Variants in HMOX2 observed in about 807,000 individuals in gnomAD.
HMOX2 encodes the protein heme oxygenase 2.
Under a neutral mutation model 33.7 loss-of-function variants are expected in HMOX2, and 30 were observed. That is an observed-to-expected ratio of 0.89 (90% CI 0.67 to 1.21). The LOEUF is 1.21. Among genes scored for constraint, HMOX2 ranks in the 50% most tolerant of loss-of-function variants. The pLI is 0.00. For missense variants in HMOX2, 403 were observed against 399.1 expected, an observed-to-expected ratio of 1.01 and a Z score of -0.08; for synonymous variants, 155 against 155.0, an observed-to-expected ratio of 1.00 and a Z score of 0.00.
chr16:4,509,511 C>T lies in HMOX2; in HGVS notation c.796C>T (p.Pro266Ser). Residue 266 changes from proline to serine, a missense_variant, in exon 5 of 6, where the codon CCT becomes TCT. Physicochemically the swap from Pro to Ser is moderately conservative, Grantham distance 74 (BLOSUM62 -1). Coordinates refer to ENST00000570646, the MANE Select transcript of HMOX2 (RefSeq NM_002134.4). Reference protein sequence around the residue: ...HDGKGDMRKCPFYAAEQDKGA... With the variant: ...HDGKGDMRKCSFYAAEQDKGA... ...TGGGAAAGGAGACATGCGTAAATGC[C>T]CTTTCTACGCTGCTGAACAAGACAA... 2 of 1,614,162 alleles carry T rather than the reference C, an allele frequency of 1.2e-6. No individual in the cohort carries two copies. The highest frequency in any genetic ancestry group is 4.5e-5 in the East Asian group (2 of 44,876).
chr16:4,503,443 C>G (rs1045607818), intron 1 of HMOX2, among the ~76,000 whole-genome samples: 1 of 152,320 alleles, frequency 6.6e-6, no homozygotes, highest in African/African-American at 2.4e-5. Context: ...GTGCATCGTA[C>G]AGTTCATCAG....
At chr16:4,508,448 A>T (rs1463126051) in intron 4 of HMOX2, among the ~76,000 whole-genome samples, 2 of 152,162 alleles carry the variant, frequency 1.3e-5, no homozygotes, top group Non-Finnish European at 2.9e-5. Flanking sequence ...CCTCTCGCAC[A>T]TAGAGGGGTC....
intron 1 of HMOX2, among the ~76,000 whole-genome samples, chr16:4,487,157 G>A (rs566965014): frequency 2.6e-5 from 4 of 152,246 alleles, no homozygotes; most frequent in African/African-American, 9.6e-5. Flanking sequence ...TGCTCGAGAG[G>A]CTAAGTTGGA....
At chr16:4,502,223 C>T (rs1259079565) in intron 1 of HMOX2, among the ~76,000 whole-genome samples, 1 of 152,126 alleles carries the variant, frequency 6.6e-6, no homozygotes, top group Admixed American at 6.6e-5. Flanking sequence ...CTGTGCCTGG[C>T]TCCTTTTTGT....
upstream of HMOX2, among the ~76,000 whole-genome samples, chr16:4,475,625 ATTTC>A (rs375272795): frequency 2.8e-3 from 428 of 151,796 alleles, 6 homozygotes; most frequent in African/African-American, 9.8e-3. Flanking sequence ...GATTTCAGTA[ATTTC>A]TTTGTGTTCA....
At chr16:4,492,811 C>T (rs1203068423) in intron 1 of HMOX2, among the ~76,000 whole-genome samples, 4 of 151,850 alleles carry the variant, frequency 2.6e-5, no homozygotes, top group Non-Finnish European at 5.9e-5. Context: ...CCGAGGCGGG[C>T]GGATCACTTG....
At chr16:4,484,505 G>T (rs1296647703) in intron 1 of HMOX2, among the ~76,000 whole-genome samples, 1 of 143,830 alleles carries the variant, frequency 7.0e-6, no homozygotes, top group African/African-American at 2.5e-5. Context: ...CTGTCACCCA[G>T]GCTGGAGTGC....
chr16:4,493,072 G>A (rs1425126296), intron 1 of HMOX2, among the ~76,000 whole-genome samples: 1 of 152,018 alleles, frequency 6.6e-6, no homozygotes, highest in East Asian at 1.9e-4. Flanking sequence ...TGTGGCCCAG[G>A]CTGGAAGCTG....
intron 2 of HMOX2, 96 bp downstream of exon 2, chr16:4,505,706 GC>G: frequency 1.2e-6 from 1 of 847,362 alleles, no homozygotes; most frequent in Non-Finnish European, 1.9e-6. Flanking sequence ...CTGGGGAGTG[GC>G]CATGGGCCAT....
Position 4,507,627 on chromosome 16 carries a change from T to C in HMOX2, c.205-86T>C, listed in dbSNP as rs2058726557. The C allele has an allele frequency of 2.1e-6, 3 of 1,419,880 alleles. No homozygotes were observed. The Admixed American group carries it at 6.2e-5, about 29-fold the overall frequency. The allele number at this position is 1,419,880 out of a possible 1,614,324, so 88.0% of individuals were successfully genotyped here. ...GACCATAGGATTGGGTCTTTGGGGT[T>C]GGGGGTTGTCACTTGAGCCTCTGCA... On this transcript the variant is annotated intron_variant, in intron 3 of 5. Transcript: ENST00000570646.
At chr16:4,498,087 GAC>G (rs2058467984) in intron 1 of HMOX2, among the ~76,000 whole-genome samples, 1 of 110,400 alleles carries the variant, frequency 9.1e-6, no homozygotes, top group African/African-American at 3.6e-5. Context: ...TTTTTTTTGA[GAC>G]ACAGTCTTGC....
At chr16:4,503,826 A>T (rs970054786) in intron 1 of HMOX2, among the ~76,000 whole-genome samples, 2 of 152,222 alleles carry the variant, frequency 1.3e-5, no homozygotes, top group Non-Finnish European at 2.9e-5. Flanking sequence ...ATTTCTTAAC[A>T]CTTCTGTGTT....
At chr16:4,492,945 A>G (rs578134331) in intron 1 of HMOX2, among the ~76,000 whole-genome samples, 2 of 152,262 alleles carry the variant, frequency 1.3e-5, no homozygotes, top group Non-Finnish European at 2.9e-5. Context: ...GCTGAGGCAC[A>G]GGAATTGCTT....
chr16:4,495,682 A>G (rs2058400333), intron 1 of HMOX2: 1 of 152,232 alleles, frequency 6.6e-6, no homozygotes, highest in Admixed American at 6.5e-5. Context: ...TTTCTGAGGC[A>G]CAATATATTT....
At chr16:4,507,162 C>T (rs899967607) in intron 3 of HMOX2, 150 bp downstream of exon 3, 8 of 673,904 alleles carry the variant, frequency 1.2e-5, no homozygotes, top group East Asian at 5.0e-5. Flanking sequence ...CTCTGGCTCT[C>T]GGCTGGGTAC....
chr16:4,498,500 G>A (rs1381142120), intron 1 of HMOX2, among the ~76,000 whole-genome samples: 2 of 151,298 alleles, frequency 1.3e-5, no homozygotes, highest in East Asian at 1.9e-4. Flanking sequence ...CCAGTTTCCC[G>A]AGTGGTTGGG....
rs2057836602 is a variant in HMOX2 at position 4,476,418 on chromosome 16, G to A, written c.-111G>A. On this transcript the variant is annotated 5_prime_UTR_variant, in exon 1 of 6. Coordinates refer to ENST00000570646, the MANE Select transcript of HMOX2 (RefSeq NM_002134.4). ...AGTCCGCTGGGCTGCAGGGACTGCG[G>A]CGCCTGAGGGAGTCGCTGACGGGCA... The A allele has an allele frequency of 1.3e-5, 2 of 152,288 alleles. No individual in the cohort carries two copies. The highest frequency in any genetic ancestry group is 4.8e-5 in the African/African-American group (2 of 41,474). 9.4% of individuals were successfully genotyped at this position (152,288 alleles called of 1,614,324 possible).
chr16:4,503,145 A>C (rs2058601310), intron 1 of HMOX2, among the ~76,000 whole-genome samples: 1 of 152,176 alleles, frequency 6.6e-6, no homozygotes, highest in Non-Finnish European at 1.5e-5. Flanking sequence ...AAAAAAAAAA[A>C]AGAAAACATT....
chr16:4,497,412 C>T (rs1043296969), intron 1 of HMOX2, among the ~76,000 whole-genome samples: 5 of 152,184 alleles, frequency 3.3e-5, no homozygotes, highest in Non-Finnish European at 7.3e-5. Flanking sequence ...TCACCCCTCC[C>T]GCTCCTGGTG....
Sources: gnomAD v4.1 joint callset for allele counts (sites outside exome capture counted in the v4.1 genomes callset) on GRCh38, gnomAD v4.1.1 for gene constraint, MANE v1.5 for transcripts, NCBI Gene and HGNC (gene_info 2026-07-23, HGNC 2026-07-21) for gene names.